The following PDE10A variants were observed in gnomAD, a reference collection of about 807,000 sequenced individuals.
PDE10A encodes phosphodiesterase 10A.
A neutral mutation model predicts 97.7 loss-of-function variants in PDE10A; 39 were observed. The ratio of observed to expected loss-of-function variants is 0.40; its 90% CI spans 0.31 to 0.52. The LOEUF (loss-of-function observed/expected upper bound fraction) is 0.52. Among genes scored for constraint, PDE10A ranks in the 20% least tolerant of loss-of-function variants. The probability of loss-of-function intolerance (pLI) is 0.56; values close to 1 mark genes in which losing one functional copy is unlikely to be tolerated. For synonymous variants in PDE10A, 371 were observed against 376.8 expected (o/e 0.98, Z 0.18); for missense variants, 731 against 1,047.8 (o/e 0.70, Z 4.17).
At chr6:165,891,774 G>T (rs1039890255) in intron 1 of PDE10A, among the ~76,000 whole-genome samples, 3 of 152,062 alleles carry the variant, frequency 2.0e-5, no homozygotes, top group African/African-American at 7.2e-5. Context: ...TGTAATTCTA[G>T]GCTAGTTAAT....
intron 3 of PDE10A, among the ~76,000 whole-genome samples, chr6:165,454,017 G>A (rs1202670251): frequency 6.6e-6 from 1 of 152,234 alleles, no homozygotes; most frequent in Non-Finnish European, 1.5e-5. Flanking sequence ...AGTGTGCCCA[G>A]AATGGGACAA....
intron 1 of PDE10A, among the ~76,000 whole-genome samples, chr6:165,853,978 T>A (rs1780642791): frequency 6.6e-6 from 1 of 151,440 alleles, no homozygotes; most frequent in Admixed American, 6.6e-5. Context: ...GCGGGGAGGC[T>A]CTGGGGGCTA....
At chr6:165,464,164 G>A (rs962354124) in intron 3 of PDE10A, among the ~76,000 whole-genome samples, 3 of 152,076 alleles carry the variant, frequency 2.0e-5, no homozygotes, top group Admixed American at 6.5e-5. Flanking sequence ...CTCCCCAACC[G>A]AGCTGGTCTC....
At chr6:165,523,620 CAA>C (rs933662891) in intron 2 of PDE10A, among the ~76,000 whole-genome samples, 1 of 151,878 alleles carries the variant, frequency 6.6e-6, no homozygotes, top group Admixed American at 6.6e-5. Context: ...AAAATTAACC[CAA>C]GAGAGATTAA....
At chr6:165,414,386 A>AT (rs1353834382) in intron 12 of PDE10A, among the ~76,000 whole-genome samples, 1 of 152,236 alleles carries the variant, frequency 6.6e-6, no homozygotes, top group African/African-American at 2.4e-5. Flanking sequence ...GTGCATAGAA[A>AT]CAGTGACATA....
chr6:165,619,317 G>A (rs1037205430), intron 1 of PDE10A, among the ~76,000 whole-genome samples: 22 of 147,624 alleles, frequency 1.5e-4, no homozygotes, highest in Non-Finnish European at 2.8e-4. Context: ...GTGTAGTCTA[G>A]TGTGGTGTAG....
At chr6:165,738,285 A>G (rs2128452673) in intron 1 of PDE10A, among the ~76,000 whole-genome samples, 1 of 151,814 alleles carries the variant, frequency 6.6e-6, no homozygotes, top group East Asian at 1.9e-4. Context: ...TTCTTGCAAT[A>G]GTTTACTGAG....
chr6:165,553,982 G>T (rs1245799830), intron 1 of PDE10A, among the ~76,000 whole-genome samples: 1 of 152,102 alleles, frequency 6.6e-6, no homozygotes, highest in Non-Finnish European at 1.5e-5. Flanking sequence ...TTATATAAAG[G>T]ATTTAATGCT....
At chr6:165,802,636 GC>G (rs1214537494) in intron 1 of PDE10A, among the ~76,000 whole-genome samples, 2 of 152,222 alleles carry the variant, frequency 1.3e-5, no homozygotes, top group Non-Finnish European at 2.9e-5. Flanking sequence ...TAAATGTGCA[GC>G]CCTAAAGCTC....
chr6:165,658,427 G>A (rs146378681), intron 1 of PDE10A, among the ~76,000 whole-genome samples: 200 of 152,010 alleles, frequency 1.3e-3, no homozygotes, highest in African/African-American at 4.4e-3. Flanking sequence ...TTGACCAGCC[G>A]GGGTTTTCCT....
intron 1 of PDE10A, among the ~76,000 whole-genome samples, chr6:165,904,193 G>A (rs567428648): frequency 6.6e-6 from 1 of 152,346 alleles, no homozygotes; most frequent in African/African-American, 2.4e-5. Flanking sequence ...GTATAGTAAA[G>A]AGGAGGGTAA....
chr6:165,457,818 C>T (rs890086851), intron 3 of PDE10A, among the ~76,000 whole-genome samples: 5 of 152,076 alleles, frequency 3.3e-5, no homozygotes, highest in Non-Finnish European at 5.9e-5. Flanking sequence ...CTAGTTTCAC[C>T]GGGAGGACAA....
chr6:165,335,369 C>A (rs1406583961), intron 21 of PDE10A, among the ~76,000 whole-genome samples: 1 of 152,052 alleles, frequency 6.6e-6, no homozygotes, highest in African/African-American at 2.4e-5. Flanking sequence ...GACACCATTA[C>A]CTTGTCTTTT....
intron 1 of PDE10A, among the ~76,000 whole-genome samples, chr6:165,807,362 G>A (rs778423352): frequency 8.5e-5 from 13 of 152,142 alleles, no homozygotes; most frequent in Non-Finnish European, 1.5e-4. Flanking sequence ...TTTCCATGAA[G>A]CTAAGATGTC....
At chr6:165,646,894 T>A (rs9295309) in intron 1 of PDE10A, among the ~76,000 whole-genome samples, 35,709 of 152,084 alleles carry the variant, frequency 0.23, 4,662 homozygotes, top group South Asian at 0.37. Flanking sequence ...TCGTAACATA[T>A]AAAAGTGTAA....
At chr6:165,739,611 C>A (rs1792669549) in intron 1 of PDE10A, among the ~76,000 whole-genome samples, 1 of 150,308 alleles carries the variant, frequency 6.7e-6, no homozygotes, top group Non-Finnish European at 1.5e-5. Flanking sequence ...CCCAAAATCA[C>A]AGGCAACAAA....
At chr6:165,566,724 G>T (rs937764706) in intron 1 of PDE10A, among the ~76,000 whole-genome samples, 2 of 152,094 alleles carry the variant, frequency 1.3e-5, no homozygotes, top group African/African-American at 4.8e-5. Flanking sequence ...GCTGCTAAAG[G>T]GCTTTGCTTA....
intron 2 of PDE10A, among the ~76,000 whole-genome samples, chr6:165,512,672 A>C (rs562153068): frequency 6.6e-6 from 1 of 152,174 alleles, no homozygotes; most frequent in South Asian, 2.1e-4. Context: ...TTCTTGATGC[A>C]GGCATGTATT....
chr6:165,966,723 C>T (rs180800352), intron 1 of PDE10A, among the ~76,000 whole-genome samples: 405 of 152,296 alleles, frequency 2.7e-3, no homozygotes, highest in Non-Finnish European at 2.4e-3. Flanking sequence ...CCTGGCCTCA[C>T]GGTGCATGCA....
Sources: allele counts gnomAD v4.1 joint callset (sites outside exome capture counted in the v4.1 genomes callset), GRCh38; gene constraint gnomAD v4.1.1; transcripts MANE v1.5; gene names NCBI Gene and HGNC (gene_info 2026-07-23, HGNC 2026-07-21).